HSPA12A: variants seen among roughly 807,000 people sequenced by gnomAD.
HSPA12A encodes heat shock 70 kDa protein 12A.
Under a neutral mutation model 69.2 loss-of-function variants are expected in HSPA12A, and 28 were observed. That is an observed-to-expected ratio of 0.40 (90% CI 0.30 to 0.55). HSPA12A has a LOEUF of 0.55. HSPA12A is among the 20% of genes least tolerant of loss of function. HSPA12A has a pLI of 0.38. For synonymous variants in HSPA12A, 345 were observed against 370.5 expected (o/e 0.93, Z 0.79); for missense variants, 686 against 900.7 (o/e 0.76, Z 3.05).
chr10:116,755,449 T>C (rs1228711198), intron 2 of HSPA12A, among the ~76,000 whole-genome samples: 1 of 151,304 alleles, frequency 6.6e-6, no homozygotes, highest in African/African-American at 2.4e-5. Context: ...CCGTCTCTAC[T>C]AAAAATACAA....
At chr10:116,745,183 A>G (rs782337470), upstream of HSPA12A, among the ~76,000 whole-genome samples, 10 of 152,342 alleles carry the variant, frequency 6.6e-5, no homozygotes, top group South Asian at 6.2e-4. Flanking sequence ...CTGTGTTGCC[A>G]GTTCTGCATC....
At chr10:116,679,801 C>A (rs781969339) in intron 9 of HSPA12A, 40 bp from the exon 10 acceptor site, 1 of 1,599,282 alleles carries the variant, frequency 6.3e-7, no homozygotes, top group African/African-American at 1.3e-5. Context: ...GTGTTAAAAA[C>A]CATTAGAAAC....
intron 1 of HSPA12A, among the ~76,000 whole-genome samples, chr10:116,847,463 G>A (rs1304245660): frequency 6.6e-6 from 1 of 152,064 alleles, no homozygotes; most frequent in African/African-American, 2.4e-5. Flanking sequence ...AGAAATTTGT[G>A]GTTGCTTCCT....
At chr10:116,839,368 C>A (rs1229399255) in intron 1 of HSPA12A, among the ~76,000 whole-genome samples, 1 of 152,120 alleles carries the variant, frequency 6.6e-6, no homozygotes, top group Non-Finnish European at 1.5e-5. Context: ...CTGTTTCCTA[C>A]AATTTTCTTA....
intron 10 of HSPA12A, 95 bp from the exon 11 acceptor site, chr10:116,676,597 C>T: frequency 1.0e-6 from 1 of 968,026 alleles, no homozygotes; most frequent in Non-Finnish European, 1.6e-6. Context: ...GAACATCTGT[C>T]ACTTCTTAGC....
At chr10:116,711,813 G>A (rs1443483750) in intron 1 of HSPA12A, among the ~76,000 whole-genome samples, 3 of 151,398 alleles carry the variant, frequency 2.0e-5, no homozygotes, top group Admixed American at 6.6e-5. Flanking sequence ...ACAGGCGCCT[G>A]CCAACGCGCC....
intron 2 of HSPA12A, among the ~76,000 whole-genome samples, chr10:116,815,532 G>T (rs1845286855): frequency 6.6e-6 from 1 of 152,116 alleles, no homozygotes; most frequent in Non-Finnish European, 1.5e-5. Flanking sequence ...CCGAGATCAC[G>T]TCACTGCACT....
intron 1 of HSPA12A, among the ~76,000 whole-genome samples, chr10:116,846,496 C>T (rs756318009): frequency 2.0e-5 from 3 of 151,930 alleles, no homozygotes; most frequent in Non-Finnish European, 4.4e-5. Flanking sequence ...ACCACAAGCA[C>T]GTGCTGCCAT....
chr10:116,693,314 G>T (rs2921971), intron 5 of HSPA12A, among the ~76,000 whole-genome samples: 79,769 of 152,012 alleles, frequency 0.52, 21,326 homozygotes, highest in Middle Eastern at 0.65. Context: ...TGTTGATAAA[G>T]GGGCTGGGCA....
chr10:116,803,155 C>T (rs1337698294), intron 2 of HSPA12A, among the ~76,000 whole-genome samples: 1 of 152,244 alleles, frequency 6.6e-6, no homozygotes, highest in Non-Finnish European at 1.5e-5. Context: ...AGGGAACTGA[C>T]AGGTAGTTGG....
intron 10 of HSPA12A, among the ~76,000 whole-genome samples, chr10:116,676,933 C>T (rs1849256334): frequency 6.6e-6 from 1 of 152,338 alleles, no homozygotes; most frequent in South Asian, 2.1e-4. Flanking sequence ...GCCTTCCAGG[C>T]ACCTGTCAGG....
intron 1 of HSPA12A, among the ~76,000 whole-genome samples, chr10:116,838,844 C>G (rs956454584): frequency 6.6e-6 from 1 of 152,192 alleles, no homozygotes; most frequent in South Asian, 2.1e-4. Flanking sequence ...CTAACCCGGG[C>G]TAATATGTGA....
chr10:116,685,721 G>A (rs1554879433), intron 6 of HSPA12A, among the ~76,000 whole-genome samples: 1 of 152,012 alleles, frequency 6.6e-6, no homozygotes, highest in Non-Finnish European at 1.5e-5. Flanking sequence ...AGGGAGGGTG[G>A]CCCACTGTCC....
At chr10:116,721,328 A>G (rs1002447921) in intron 1 of HSPA12A, among the ~76,000 whole-genome samples, 9 of 152,290 alleles carry the variant, frequency 5.9e-5, no homozygotes, top group Admixed American at 5.2e-4. Context: ...TCTTTTCCCA[A>G]GGAATCCATA....
chr10:116,756,526 G>A (rs1346232851), intron 2 of HSPA12A, among the ~76,000 whole-genome samples: 3 of 152,298 alleles, frequency 2.0e-5, no homozygotes, highest in South Asian at 4.1e-4. Flanking sequence ...GAGCCTGCTC[G>A]CCTTGGCACA....
chr10:116,753,679 A>G lies in HSPA12A; in HGVS notation c.92-46394T>C, dbSNP rs150964611. Among the ~76,000 whole-genome samples the G allele has an allele frequency of 2.5e-4, 38 of 152,340 alleles. No individual in the cohort carries two copies. The East Asian group carries it at 7.1e-3, about 29-fold the overall frequency. The stretch of plus-strand genomic sequence containing the variant: ...ACCCACCTCCCAGAGCACAAATTCC[A>G]TGATCCTGTAGGGCAAACCCCTGCA... On this transcript the variant is annotated intron_variant, in intron 2 of 12. Coordinates refer to the HSPA12A transcript ENST00000635765.
intron 5 of HSPA12A, among the ~76,000 whole-genome samples, chr10:116,694,241 C>T (rs1048969605): frequency 2.6e-5 from 4 of 152,136 alleles, no homozygotes; most frequent in Admixed American, 1.3e-4. Context: ...CACTGGGTGG[C>T]TTCATTTCTG....
At chr10:116,793,399 T>G (rs1844742684) in intron 2 of HSPA12A, among the ~76,000 whole-genome samples, 1 of 152,154 alleles carries the variant, frequency 6.6e-6, no homozygotes, top group South Asian at 2.1e-4. Context: ...GACAAAACCC[T>G]GTCTCTACAA....
intron 2 of HSPA12A, among the ~76,000 whole-genome samples, chr10:116,747,821 A>G (rs1484342567): frequency 1.3e-5 from 2 of 152,012 alleles, no homozygotes; most frequent in Non-Finnish European, 2.9e-5. Context: ...CAACATGGTG[A>G]AACCCCGTCT....
Sources: allele counts gnomAD v4.1 joint callset (sites outside exome capture counted in the v4.1 genomes callset), GRCh38; gene constraint gnomAD v4.1.1; transcripts MANE v1.5; gene names NCBI Gene and HGNC (gene_info 2026-07-23, HGNC 2026-07-21).